Variants in NXPE3 observed in about 807,000 individuals in gnomAD.
NXPE3 encodes the protein NXPE family member 3.
Under a neutral mutation model 46.1 loss-of-function variants are expected in NXPE3, and 26 were observed. The ratio of observed to expected loss-of-function variants is 0.56; its 90% confidence interval spans 0.41 to 0.78. NXPE3 has a LOEUF of 0.78. Among genes scored for constraint, NXPE3 ranks in the 30% least tolerant of loss-of-function variants. The pLI is 0.00. For missense variants in NXPE3, 620 were observed against 686.0 expected, an observed-to-expected ratio of 0.90 and a Z score of 1.07; for synonymous variants, 272 against 257.9, an observed-to-expected ratio of 1.05 and a Z score of -0.52.
At chr3:101,813,504 G>A (rs753417277) in intron 6 of NXPE3, among the ~76,000 whole-genome samples, 1 of 152,114 alleles carries the variant, frequency 6.6e-6, no homozygotes, top group Non-Finnish European at 1.5e-5. Context: ...ATTACATGGC[G>A]TGACACCCTT....
intron 4 of NXPE3, among the ~76,000 whole-genome samples, chr3:101,796,405 G>T (rs927403063): frequency 6.6e-6 from 1 of 152,140 alleles, no homozygotes; most frequent in Admixed American, 6.5e-5. Context: ...TTGCATTTTT[G>T]TCATTTGCAA....
chr3:101,811,892 G>A (rs372396466), intron 6 of NXPE3, among the ~76,000 whole-genome samples: 12 of 151,946 alleles, frequency 7.9e-5, no homozygotes, highest in African/African-American at 1.2e-4. Context: ...ATGCCACCAT[G>A]CCTGGCTAAT....
chr3:101,806,941 C>A, intron 5 of NXPE3, 112 bp from the exon 6 acceptor site: 1 of 751,790 alleles, frequency 1.3e-6, no homozygotes, highest in Non-Finnish European at 2.3e-6. Context: ...AAGTATATTT[C>A]ATCATAATAA....
At position 101,816,835 on chromosome 3, in the gene NXPE3, TC is replaced by T; in HGVS notation, c.965del (p.Pro322LeufsTer57). ...LELSQGSGTF[P>X]SGYYYKDQWR... is the part of the protein sequence containing the mutation. ...AACTATCTCAAGGCTCAGGAACTTT[TC>T]CTTCTGGGTATTATTATAAAGACCA... On this transcript the variant is annotated frameshift_variant, in exon 7 of 8. Coordinates refer to ENST00000273347, the MANE Select transcript of NXPE3 (RefSeq NM_145037.4). LOFTEE classifies it high-confidence loss of function. 6.2e-7 allele frequency: 1 copy of T among 1,614,154 alleles called. No individual in the cohort carries two copies. Among genetic ancestry groups the T allele is most frequent in the Non-Finnish European group, 8.5e-7 (1 of 1,179,990 alleles).
intron 6 of NXPE3, among the ~76,000 whole-genome samples, chr3:101,813,041 T>C (rs1576774793): frequency 6.6e-6 from 1 of 152,072 alleles, no homozygotes; most frequent in South Asian, 2.1e-4. Flanking sequence ...GCCATTACAA[T>C]TACTGTGTAG....
chr3:101,800,464 G>A (rs1302160967), intron 4 of NXPE3, among the ~76,000 whole-genome samples: 1 of 152,088 alleles, frequency 6.6e-6, no homozygotes. Flanking sequence ...GGTCCGTTTT[G>A]GTGAATGTTC....
chr3:101,805,480 G>T (rs1478892629), intron 5 of NXPE3, among the ~76,000 whole-genome samples: 1 of 151,628 alleles, frequency 6.6e-6, no homozygotes. Context: ...CCAGGCTGGG[G>T]TGCGGTGCAG....
chr3:101,795,663 C>T (rs1940791484), intron 4 of NXPE3, among the ~76,000 whole-genome samples: 1 of 151,956 alleles, frequency 6.6e-6, no homozygotes, highest in African/African-American at 2.4e-5. Flanking sequence ...TTGCCTTATT[C>T]ATTGATATTT....
At chr3:101,783,263 A>C (rs1012441792) in intron 3 of NXPE3, among the ~76,000 whole-genome samples, 1 of 151,762 alleles carries the variant, frequency 6.6e-6, no homozygotes, top group African/African-American at 2.4e-5. Flanking sequence ...AGGTTTCACC[A>C]TGTTAGCCAG....
In NXPE3 at chr3:101,801,550, A is replaced by G; in HGVS notation, c.409A>G (p.Lys137Glu). 1 of 1,614,256 alleles carries G rather than the reference A, an allele frequency of 6.2e-7. No individual in the cohort carries two copies. The highest frequency in any genetic ancestry group is 2.2e-5 in the East Asian group (1 of 44,892). ...TGTGCAGGATTTTCAAAGAAAGCCCAAGAAGTATGGTGGAGACTACCTGCA... is the reference window on the plus strand; with the variant it reads ...TGTGCAGGATTTTCAAAGAAAGCCCGAGAAGTATGGTGGAGACTACCTGCA... ...VHVQDFQRKPKKYGGDYLQAR... is the reference protein window; with the variant it reads ...VHVQDFQRKPEKYGGDYLQAR... The change falls in exon 5 of 8, where the codon AAG becomes GAG. Residue 137 changes from lysine to glutamate, a missense_variant. Physicochemically the swap from Lys to Glu is moderately conservative, Grantham distance 56. Coordinates refer to ENST00000273347, the MANE Select transcript of NXPE3 (RefSeq NM_145037.4).
At chr3:101,816,271 C>CT (rs373174596) in intron 6 of NXPE3, among the ~76,000 whole-genome samples, 49 of 147,544 alleles carry the variant, frequency 3.3e-4, no homozygotes, top group African/African-American at 7.7e-4. Context: ...AAAGGAAAAC[C>CT]TTTTTTTTTT....
At chr3:101,821,266 T>G (rs1295932444) in intron 7 of NXPE3, 138 bp from the exon 8 acceptor site, 1 of 649,706 alleles carries the variant, frequency 1.5e-6, no homozygotes, top group Non-Finnish European at 2.7e-6. Flanking sequence ...GTGAAATAGG[T>G]ATTCCCTTTA....
At chr3:101,804,595 A>AT in intron 5 of NXPE3, among the ~76,000 whole-genome samples, 1 of 152,168 alleles carries the variant, frequency 6.6e-6, no homozygotes, top group Non-Finnish European at 1.5e-5. Flanking sequence ...ATTGAAATTG[A>AT]TTTTTTGGGG....
At chr3:101,792,061 G>A (rs1029963054) in intron 4 of NXPE3, among the ~76,000 whole-genome samples, 2 of 152,008 alleles carry the variant, frequency 1.3e-5, no homozygotes, top group Non-Finnish European at 2.9e-5. Flanking sequence ...TTGGCCGCAT[G>A]TGTGTCTTCT....
rs1941320930 is a variant in NXPE3 at position 101,804,595 on chromosome 3, A to T, written c.849-2458A>T. ...AAGAAAAAGAAAAAGATTGAAATTG[A>T]TTTTTTGGGGGATCTTTGGGTATAC... On this transcript the variant is annotated intron_variant, in intron 5 of 7. Coordinates refer to ENST00000273347, the MANE Select transcript of NXPE3 (RefSeq NM_145037.4). 2.0e-5 allele frequency among the ~76,000 whole-genome samples: 3 copies of T among 152,286 alleles called. No homozygotes were observed. The South Asian group carries it at 6.2e-4, about 32-fold the overall frequency.
At chr3:101,794,110 C>CTT (rs1299035514) in intron 4 of NXPE3, among the ~76,000 whole-genome samples, 1 of 139,676 alleles carries the variant, frequency 7.2e-6, no homozygotes, top group Non-Finnish European at 1.6e-5. Flanking sequence ...TGTATTTTGC[C>CTT]TTTTTTTTTT....
At chr3:101,815,152 C>T (rs1256085659) in intron 6 of NXPE3, among the ~76,000 whole-genome samples, 2 of 152,210 alleles carry the variant, frequency 1.3e-5, no homozygotes, top group Non-Finnish European at 2.9e-5. Flanking sequence ...GACTTTCCCT[C>T]TGAAAGGTCG....
intron 4 of NXPE3, among the ~76,000 whole-genome samples, chr3:101,786,733 G>A (rs1940207020): frequency 6.6e-6 from 1 of 152,184 alleles, no homozygotes; most frequent in Non-Finnish European, 1.5e-5. Flanking sequence ...TGTTGATGAT[G>A]TGTCTAGATA....
intron 5 of NXPE3, among the ~76,000 whole-genome samples, chr3:101,804,314 C>T (rs1206206514): frequency 6.6e-6 from 1 of 152,146 alleles, no homozygotes; most frequent in Non-Finnish European, 1.5e-5. Flanking sequence ...AACAAAAAAG[C>T]ACCCGTGAAC....
Sources: allele counts gnomAD v4.1 joint callset (sites outside exome capture counted in the v4.1 genomes callset), GRCh38; gene constraint gnomAD v4.1.1; transcripts MANE v1.5; gene names NCBI Gene and HGNC (gene_info 2026-07-23, HGNC 2026-07-21).